ELOVL6: variants seen among roughly 807,000 people sequenced by gnomAD.
ELOVL6 encodes the protein ELOVL fatty acid elongase 6, also known as very long chain fatty acid elongase 6.
ELOVL6 carries 8 observed loss-of-function variants against 31.7 expected under a neutral mutation model. That is an observed-to-expected ratio of 0.25 (90% CI 0.15 to 0.45). The LOEUF (loss-of-function observed/expected upper bound fraction) is 0.45. Among genes scored for constraint, ELOVL6 ranks in the 20% least tolerant of loss-of-function variants. The pLI, the probability that ELOVL6 is intolerant of heterozygous loss-of-function variation, is 1.00. For missense variants in ELOVL6, 126 were observed against 326.4 expected (o/e 0.39, Z 4.73); for synonymous variants, 101 against 117.7 (o/e 0.86, Z 0.92).
At chr4:110,119,625 T>C (rs1757283786) in intron 1 of ELOVL6, among the ~76,000 whole-genome samples, 1 of 152,206 alleles carries the variant, frequency 6.6e-6, no homozygotes, top group Admixed American at 6.5e-5. Context: ...TTAGAAGACT[T>C]TTATCTATAT....
chr4:110,193,515 G>A (rs1759685431), intron 1 of ELOVL6, among the ~76,000 whole-genome samples: 1 of 152,096 alleles, frequency 6.6e-6, no homozygotes, highest in African/African-American at 2.4e-5. Context: ...TGAGACATAA[G>A]AATCACTGGA....
At chr4:110,142,866 T>C (rs1444921357) in intron 1 of ELOVL6, among the ~76,000 whole-genome samples, 2 of 152,202 alleles carry the variant, frequency 1.3e-5, no homozygotes, top group African/African-American at 4.8e-5. Context: ...GGTTTTACCT[T>C]CTCAAGAAGT....
chr4:110,078,295 A>G (rs1395123633), intron 2 of ELOVL6, among the ~76,000 whole-genome samples: 1 of 152,188 alleles, frequency 6.6e-6, no homozygotes, highest in African/African-American at 2.4e-5. Flanking sequence ...TGTCAGATTC[A>G]CCAAAGTTGA....
intron 2 of ELOVL6, among the ~76,000 whole-genome samples, chr4:110,099,713 T>C (rs1756685952): frequency 6.6e-6 from 1 of 152,202 alleles, no homozygotes; most frequent in Non-Finnish European, 1.5e-5. Context: ...AAGAAAACAC[T>C]GCCAGACAGG....
In ELOVL6 at chr4:110,058,065, T is replaced by C. The variant is rs578209342; in HGVS notation, c.373+1538A>G. ...TCTGTAAATCCAGGGTGAAAACCACTTCTCTAGCCTATGACTTCATACCTA... is the reference window on the plus strand; with the variant it reads ...TCTGTAAATCCAGGGTGAAAACCACCTCTCTAGCCTATGACTTCATACCTA... On this transcript the variant is annotated intron_variant, in intron 3 of 3. Coordinates refer to ENST00000302274, the MANE Select transcript of ELOVL6 (RefSeq NM_024090.3). 2.6e-5 allele frequency among the ~76,000 whole-genome samples: 4 copies of C among 152,300 alleles called. No homozygotes were observed. In the East Asian group the frequency reaches 7.7e-4, roughly 29 times the overall value.
chr4:110,067,632 C>T (rs1755342448), intron 2 of ELOVL6, among the ~76,000 whole-genome samples: 1 of 152,144 alleles, frequency 6.6e-6, no homozygotes, highest in African/African-American at 2.4e-5. Flanking sequence ...GAACACAATA[C>T]AGCCATGAAA....
chr4:110,070,559 C>G (rs1755440403), intron 2 of ELOVL6, among the ~76,000 whole-genome samples: 1 of 152,184 alleles, frequency 6.6e-6, no homozygotes, highest in African/African-American at 2.4e-5. Context: ...GTTTCACGTT[C>G]TCATGAGGAA....
At chr4:110,194,106 T>G (rs1041606672) in intron 1 of ELOVL6, among the ~76,000 whole-genome samples, 3 of 152,234 alleles carry the variant, frequency 2.0e-5, no homozygotes, top group Non-Finnish European at 4.4e-5. Context: ...CCCTTCTCAC[T>G]CAATGAATTA....
chr4:110,081,117 T>C (rs1430821654), intron 2 of ELOVL6, among the ~76,000 whole-genome samples: 1 of 152,100 alleles, frequency 6.6e-6, no homozygotes, highest in Non-Finnish European at 1.5e-5. Flanking sequence ...GGAAGAACAT[T>C]CCATGCTCAT....
intron 2 of ELOVL6, among the ~76,000 whole-genome samples, chr4:110,090,070 T>G (rs1432200936): frequency 2.0e-5 from 3 of 152,224 alleles, no homozygotes; most frequent in African/African-American, 7.2e-5. Context: ...AGTACATACC[T>G]CAAGGCAGTC....
At chr4:110,196,159 G>C (rs1759771880) in intron 1 of ELOVL6, among the ~76,000 whole-genome samples, 1 of 152,164 alleles carries the variant, frequency 6.6e-6, no homozygotes, top group African/African-American at 2.4e-5. Context: ...GACTGCAGTG[G>C]GCTAGGAATG....
In ELOVL6 at chr4:110,187,890, T is replaced by C. The variant is rs142275391; in HGVS notation, c.89+10357A>G. Among the ~76,000 whole-genome samples, 374 of 152,284 alleles carry C rather than the reference T, an allele frequency of 2.5e-3. 7 individuals carry two copies. The highest frequency in any genetic ancestry group is 7.1e-3 in the African/African-American group (296 of 41,556). ...GCCTCTGGAAAAGAATTAAAGGTGT[T>C]TCCTTTCCGACATCTTTATACTTCT... is the stretch of plus-strand genomic sequence containing the variant. On this transcript the variant is annotated intron_variant, in intron 1 of 3. Coordinates refer to ENST00000302274, the MANE Select transcript of ELOVL6 (RefSeq NM_024090.3).
At chr4:110,169,386 C>T (rs192239306) in intron 1 of ELOVL6, among the ~76,000 whole-genome samples, 4 of 151,874 alleles carry the variant, frequency 2.6e-5, no homozygotes, top group Admixed American at 1.3e-4. Context: ...CTACAGGTGC[C>T]TAACACCATG....
At position 110,084,124 on chromosome 4, in the gene ELOVL6, T is replaced by C. The variant is rs1164252956; in HGVS notation, c.221+21373A>G. Among the ~76,000 whole-genome samples, 3 of 93,174 alleles carry C rather than the reference T, an allele frequency of 3.2e-5. 1 individual carries two copies. Among genetic ancestry groups the C allele is most frequent in the African/African-American group, 1.2e-4 (2 of 16,208 alleles). The allele number at this position is 93,174 out of a possible 152,430, so 61.1% of individuals were successfully genotyped here. On this transcript the variant is annotated intron_variant, in intron 2 of 3. Transcript: ENST00000302274. ...TATGATATATATGATATATATAACA[T>C]ATATGTGATAATGATATATATGATA...
At chr4:110,105,427 C>CAAATGG in intron 2 of ELOVL6, 70 bp downstream of exon 2, 1 of 1,428,136 alleles carries the variant, frequency 7.0e-7, no homozygotes, top group Non-Finnish European at 9.6e-7. Flanking sequence ...AAATCAAATG[C>CAAATGG]TCAATCATTG....
At chr4:110,186,816 A>T (rs1351342030) in intron 1 of ELOVL6, among the ~76,000 whole-genome samples, 147 of 107,616 alleles carry the variant, frequency 1.4e-3, no homozygotes, top group African/African-American at 5.0e-3. Flanking sequence ...AAAAAAAAAA[A>T]AAAAAAATAT....
intron 1 of ELOVL6, among the ~76,000 whole-genome samples, chr4:110,153,673 G>C (rs1578264645): frequency 6.6e-6 from 1 of 152,182 alleles, no homozygotes; most frequent in East Asian, 1.9e-4. Context: ...TGAAATTGAA[G>C]CTTTTGAAAC....
At chr4:110,084,565 T>TAG (rs1756173219) in intron 2 of ELOVL6, among the ~76,000 whole-genome samples, 2 of 41,080 alleles carry the variant, frequency 4.9e-5, no homozygotes, top group African/African-American at 1.7e-4. Flanking sequence ...CACACACAGA[T>TAG]ATATATATAT....
intron 1 of ELOVL6, among the ~76,000 whole-genome samples, chr4:110,187,620 C>T (rs1162865341): frequency 6.6e-6 from 1 of 151,210 alleles, no homozygotes; most frequent in Non-Finnish European, 1.5e-5. Context: ...CACTTGAACC[C>T]AGGAGGCAGA....
Sources: allele counts gnomAD v4.1 joint callset (sites outside exome capture counted in the v4.1 genomes callset), GRCh38; gene constraint gnomAD v4.1.1; transcripts MANE v1.5; gene names NCBI Gene and HGNC (gene_info 2026-07-23, HGNC 2026-07-21).